Variants in CNTLN observed in about 807,000 individuals in gnomAD.
CNTLN encodes the protein centlein, centrosomal protein.
CNTLN carries 212 observed loss-of-function variants against 180.0 expected under a neutral mutation model. The ratio of observed to expected loss-of-function variants is 1.18; its 90% confidence interval spans 1.05 to 1.32. The LOEUF (loss-of-function observed/expected upper bound fraction) is 1.32, where lower values mean the gene tolerates loss of function less well. Among genes scored for constraint, CNTLN ranks in the 40% most tolerant of loss-of-function variants. The pLI, the probability that CNTLN is intolerant of heterozygous loss-of-function variation, is 0.00. For synonymous variants in CNTLN, 722 were observed against 563.1 expected (o/e 1.28, Z -3.99); for missense variants, 2,095 against 1,610.9 (o/e 1.30, Z -5.14).
At chr9:17,341,464 G>A (rs1056457069) in intron 11 of CNTLN, among the ~76,000 whole-genome samples, 2 of 152,102 alleles carry the variant, frequency 1.3e-5, no homozygotes, top group Non-Finnish European at 2.9e-5. Flanking sequence ...TGAATGAATT[G>A]GCGGTCTCAG....
chr9:17,331,366 T>TG (rs1820632637), intron 9 of CNTLN, among the ~76,000 whole-genome samples: 1 of 151,404 alleles, frequency 6.6e-6, no homozygotes, highest in African/African-American at 2.4e-5. Context: ...TGTCTCAATT[T>TG]TTTTTAGTAT....
chr9:17,256,935 C>G (rs1004744496), intron 5 of CNTLN, among the ~76,000 whole-genome samples: 6 of 151,736 alleles, frequency 4.0e-5, no homozygotes, highest in Non-Finnish European at 8.8e-5. Flanking sequence ...AGTGCAGGAG[C>G]TCAGTCCAGA....
At chr9:17,499,255 G>C (rs894344507) in intron 25 of CNTLN, among the ~76,000 whole-genome samples, 1 of 152,068 alleles carries the variant, frequency 6.6e-6, no homozygotes, top group Non-Finnish European at 1.5e-5. Flanking sequence ...GAGCTTTCTT[G>C]AATCACTGAA....
chr9:17,372,617 C>T lies in CNTLN; in HGVS notation c.1987+5900C>T, dbSNP rs553533107. ...TAGAAGAGGAGGGAATACTTTCAAA[C>T]TCATTCTACAAGGCCAGTATTAGCT... On this transcript the variant is annotated intron_variant, in intron 13 of 25. Transcript: ENST00000380647. Among the ~76,000 whole-genome samples the T allele has an allele frequency of 1.6e-4, 24 of 152,250 alleles. No individual in the cohort carries two copies. The South Asian group carries it at 1.7e-3, about 11-fold the overall frequency.
Position 17,366,624 on chromosome 9 carries a change from C to G in CNTLN, c.1894C>G (p.Leu632Val). 6.7e-7 allele frequency: 1 copy of G among 1,491,404 alleles called. No homozygotes were observed. Among genetic ancestry groups the G allele is most frequent in the Non-Finnish European group, 9.3e-7 (1 of 1,079,804 alleles). 92.4% of individuals were successfully genotyped at this position (1,491,404 alleles called of 1,614,324 possible). A position where few individuals can be genotyped will look rare whatever the true frequency, so the allele number is the denominator to read the frequency against. ...TTTATTGCTTTTTCATAGGATGAAT[C>G]TTGAAGAAGAATTAGATGAACTTAA... ...NQELMIQKMN[L>V]EEELDELKVH... Residue 632 changes from leucine (L) to valine (V), a missense_variant, in exon 13 of 26, where the codon CTT (leucine) becomes GTT (valine). Coordinates refer to ENST00000380647, the MANE Select transcript of CNTLN (RefSeq NM_017738.4).
intron 2 of CNTLN, chr9:17,168,156 G>C (rs1275007724): frequency 6.6e-6 from 1 of 152,154 alleles, no homozygotes; most frequent in African/African-American, 2.4e-5. Context: ...AAGGCATGTT[G>C]AGTTATTGGA....
At position 17,330,678 on chromosome 9, in the gene CNTLN, C is replaced by T. The variant is rs745667771; in HGVS notation, c.1388C>T (p.Ser463Leu). The T allele has an allele frequency of 1.9e-6, 3 of 1,610,878 alleles. No individual in the cohort carries two copies. Among genetic ancestry groups the T allele is most frequent in the African/African-American group, 1.3e-5 (1 of 74,764 alleles). Residue 463 changes from serine (S) to leucine (L), a missense_variant, in exon 9 of 26, where the codon TCA becomes TTA. By Grantham distance (145) the Ser-to-Leu change is moderately radical. Coordinates refer to ENST00000380647, the MANE Select transcript of CNTLN (RefSeq NM_017738.4). ...TCAAGCTTAGAAACGTTAATGGTTT[C>T]ACAGAAGTCTGAAATTGAGTATTTA... ...SLSSLETLMV[S>L]QKSEIEYLQE...
chr9:17,434,351 C>A (rs751343152), intron 18 of CNTLN, among the ~76,000 whole-genome samples: 3 of 151,808 alleles, frequency 2.0e-5, no homozygotes, highest in Non-Finnish European at 4.4e-5. Context: ...TCTGATATAA[C>A]TGTTTAGTGC....
At chr9:17,291,609 C>T (rs753447476) in intron 6 of CNTLN, among the ~76,000 whole-genome samples, 1 of 152,124 alleles carries the variant, frequency 6.6e-6, no homozygotes, top group African/African-American at 2.4e-5. Flanking sequence ...TCTATTTTGT[C>T]AGAAACTAGG....
At chr9:17,411,627 C>A (rs1308288576) in intron 16 of CNTLN, among the ~76,000 whole-genome samples, 1 of 152,144 alleles carries the variant, frequency 6.6e-6, no homozygotes, top group East Asian at 1.9e-4. Flanking sequence ...CTGAGCTCTG[C>A]CTCCCGTTAG....
At position 17,212,628 on chromosome 9, in the gene CNTLN, T is replaced by A. The variant is rs908599205; in HGVS notation, c.450-13575T>A. On this transcript the variant is annotated intron_variant, in intron 2 of 25. Transcript: ENST00000380647. Reference sequence around the variant, plus strand: ...CTCATTGGAATAGTTTCAGAAGGAATGGTACCAGCTCCTCCTTGTACTTCT... The same window carrying A: ...CTCATTGGAATAGTTTCAGAAGGAAAGGTACCAGCTCCTCCTTGTACTTCT... 2.0e-5 allele frequency among the ~76,000 whole-genome samples: 3 copies of A among 152,194 alleles called. No homozygotes were observed. In the East Asian group the frequency reaches 5.8e-4, roughly 29 times the overall value.
intron 18 of CNTLN, among the ~76,000 whole-genome samples, chr9:17,418,543 G>A (rs958176947): frequency 1.4e-4 from 22 of 151,912 alleles, no homozygotes; most frequent in Admixed American, 1.3e-4. Context: ...TGATTTCTGT[G>A]ATATTTTTAA....
chr9:17,266,374 C>G (rs1043137246), intron 5 of CNTLN, among the ~76,000 whole-genome samples: 4 of 152,128 alleles, frequency 2.6e-5, no homozygotes, highest in African/African-American at 9.7e-5. Flanking sequence ...ATCCTGAGTT[C>G]TAGTTTGATT....
At chr9:17,148,990 C>A (rs557924050) in intron 2 of CNTLN, among the ~76,000 whole-genome samples, 8 of 152,126 alleles carry the variant, frequency 5.3e-5, no homozygotes, top group African/African-American at 1.9e-4. Context: ...CCGACAGGAC[C>A]CAGTGTGTGA....
intron 19 of CNTLN, among the ~76,000 whole-genome samples, chr9:17,458,347 A>G (rs2134164591): frequency 6.6e-6 from 1 of 152,064 alleles, no homozygotes; most frequent in East Asian, 1.9e-4. Context: ...ACTTAATTGG[A>G]AAGTTCATTT....
chr9:17,484,327 T>C lies in CNTLN; in HGVS notation c.3888T>C (p.His1296=), dbSNP rs570361028. ...CCAAAGAGTTGCAAAATGATGTCCA[T>C]GTGGTAAGGCGACAAATAAGAGAGC... The part of the protein sequence containing the change: ...ALAKELQNDV[H]VVRRQIRELK... Residue 1296 remains histidine, a synonymous_variant, in exon 24 of 26, where the codon CAT becomes CAC. Transcript: ENST00000380647. The C allele has an allele frequency of 3.1e-6, 5 of 1,606,272 alleles. No individual in the cohort carries two copies. The highest frequency in any genetic ancestry group is 1.4e-5 in the African/African-American group (1 of 74,068).
chr9:17,267,608 C>G (rs1389576778), intron 5 of CNTLN, among the ~76,000 whole-genome samples: 2 of 152,002 alleles, frequency 1.3e-5, no homozygotes, highest in East Asian at 3.8e-4. Context: ...TGGGGAAGTT[C>G]TCCTGGATAA....
intron 7 of CNTLN, among the ~76,000 whole-genome samples, chr9:17,306,294 C>T (rs1343167594): frequency 2.0e-5 from 3 of 151,882 alleles, no homozygotes; most frequent in South Asian, 2.1e-4. Context: ...GGATTACAGG[C>T]GTGTGCCACC....
intron 6 of CNTLN, among the ~76,000 whole-genome samples, chr9:17,283,248 C>G (rs564629343): frequency 6.6e-6 from 1 of 151,930 alleles, no homozygotes; most frequent in Non-Finnish European, 1.5e-5. Flanking sequence ...TTTGTTTTTG[C>G]CCTCTCTTAT....
Sources: gnomAD v4.1 joint callset for allele counts (sites outside exome capture counted in the v4.1 genomes callset) on GRCh38, gnomAD v4.1.1 for gene constraint, MANE v1.5 for transcripts, NCBI Gene and HGNC (gene_info 2026-07-23, HGNC 2026-07-21) for gene names.